ZNF672: variants seen among roughly 807,000 people sequenced by gnomAD.
ZNF672 encodes the protein zinc finger protein 672, also known as hypothetical protein FLJ22301.
For missense variants in ZNF672, 733 were observed against 701.1 expected, an observed-to-expected ratio of 1.05 and a Z score of -0.51; for synonymous variants, 358 against 305.6, an observed-to-expected ratio of 1.17 and a Z score of -1.79.
chr1:248,842,219 C>T (rs1361719202), intron 1 of ZNF672, among the ~76,000 whole-genome samples: 1 of 152,138 alleles, frequency 6.6e-6, no homozygotes. Context: ...CTAATAGATG[C>T]TCCTTCCAGC....
rs1182404758 is a variant in ZNF672, at chr1:248,848,476, G to A, written c.1202G>A (p.Gly401Asp). 2.5e-6 allele frequency: 4 copies of A among 1,605,980 alleles called. No homozygotes were observed. The highest frequency in any genetic ancestry group is 3.4e-6 in the Non-Finnish European group (4 of 1,176,630). Residue 401 changes from glycine (G) to aspartate (D), a missense_variant, in exon 4 of 4, where the codon GGC becomes GAC. Gly to Asp is a moderately conservative substitution (Grantham distance 94). Coordinates refer to ENST00000306562, the MANE Select transcript of ZNF672 (RefSeq NM_024836.3). ...GERPAECAEC[G>D]KCFSHSRSLS... ...CGGCCAGCGGAGTGCGCAGAGTGCGGCAAGTGCTTCAGCCACAGCCGCTCG... is the reference window on the plus strand; with the variant it reads ...CGGCCAGCGGAGTGCGCAGAGTGCGACAAGTGCTTCAGCCACAGCCGCTCG...
In ZNF672 at chr1:248,848,243, C is replaced by G. The variant is rs1197302779; in HGVS notation, c.969C>G (p.Arg323=). The G allele has an allele frequency of 1.3e-5, 21 of 1,602,656 alleles. No homozygotes were observed. Among genetic ancestry groups the G allele is most frequent in the Non-Finnish European group, 1.7e-5 (20 of 1,178,300 alleles). ...CPECGRRFSD[R]SDLTKHRRTH... ...AGTGCGGCCGCCGCTTCAGCGACCGCTCGGACCTCACCAAGCACCGGCGCA... is the reference window on the plus strand; with the variant it reads ...AGTGCGGCCGCCGCTTCAGCGACCGGTCGGACCTCACCAAGCACCGGCGCA... Residue 323 remains arginine, a synonymous_variant, in exon 4 of 4, where the codon CGC becomes CGG. Transcript: ENST00000306562.
At position 248,847,810 on chromosome 1, in the gene ZNF672, G is replaced by T; in HGVS notation, c.536G>T (p.Arg179Leu). Reference sequence around the variant, plus strand: ...GCCTTCCGAAGCGGCGCCGGGCTGCGGAGTCACGCGCGCATCCACGTGTCC... The same window carrying T: ...GCCTTCCGAAGCGGCGCCGGGCTGCTGAGTCACGCGCGCATCCACGTGTCC... The part of the protein sequence containing the change: ...PRAFRSGAGL[R>L]SHARIHVSRS... Residue 179 changes from arginine to leucine, a missense_variant, in exon 4 of 4, where the codon CGG becomes CTG. Physicochemically the swap from Arg to Leu is moderately radical, Grantham distance 102. Coordinates refer to ENST00000306562, the MANE Select transcript of ZNF672 (RefSeq NM_024836.3). 1 of 1,550,584 alleles carries T rather than the reference G, an allele frequency of 6.4e-7. No homozygotes were observed. Among genetic ancestry groups the T allele is most frequent in the Non-Finnish European group, 8.7e-7 (1 of 1,151,884 alleles).
chr1:248,847,395 C>T lies in ZNF672; in HGVS notation c.121C>T (p.Arg41Cys), dbSNP rs1350917758. 11 of 1,601,344 alleles carry T rather than the reference C, an allele frequency of 6.9e-6. No homozygotes were observed. Among genetic ancestry groups the T allele is most frequent in the Non-Finnish European group, 6.8e-6 (8 of 1,173,866 alleles). The change falls in exon 4 of 4, where the codon CGC becomes TGC. Residue 41 changes from arginine to cysteine, a missense_variant. Coordinates refer to ENST00000306562, the MANE Select transcript of ZNF672 (RefSeq NM_024836.3). ...TGAACGAGCTCACGGCGGTGACGGC[C>T]GCTTCCGTTGCCTAGAATGCGGTGA... ...RHERAHGGDGRFRCLECGERC... is the reference protein window; with the variant it reads ...RHERAHGGDGCFRCLECGERC...
In ZNF672 at chr1:248,848,303, G is replaced by T; in HGVS notation, c.1029G>T (p.Leu343=). ...HTGEKPYRCE[L]CGKRFTCVSN... Reference sequence around the variant, plus strand: ...GCGAGAAGCCCTACCGCTGCGAACTGTGCGGCAAGCGGTTCACGTGCGTGT... The same window carrying T: ...GCGAGAAGCCCTACCGCTGCGAACTTTGCGGCAAGCGGTTCACGTGCGTGT... Residue 343 remains leucine (L), a synonymous_variant, in exon 4 of 4, where the codon CTG becomes CTT. Coordinates refer to ENST00000306562, the MANE Select transcript of ZNF672 (RefSeq NM_024836.3). 6.2e-7 allele frequency: 1 copy of T among 1,602,590 alleles called. No individual in the cohort carries two copies.
chr1:248,842,768 C>T (rs1422632851), intron 1 of ZNF672: 1 of 152,172 alleles, frequency 6.6e-6, no homozygotes, highest in Non-Finnish European at 1.5e-5. Flanking sequence ...CAGCATCACT[C>T]AGATCCTGAG....
Position 248,848,467 on chromosome 1 carries a change from C to T in ZNF672, c.1193C>T (p.Ala398Val). Reference sequence around the variant, plus strand: ...CTGGGCGAACGGCCAGCGGAGTGCGCAGAGTGCGGCAAGTGCTTCAGCCAC... The same window carrying T: ...CTGGGCGAACGGCCAGCGGAGTGCGTAGAGTGCGGCAAGTGCTTCAGCCAC... ...THLGERPAECAECGKCFSHSR... is the reference protein window; with the variant it reads ...THLGERPAECVECGKCFSHSR... Residue 398 changes from alanine to valine, a missense_variant, in exon 4 of 4, where the codon GCA becomes GTA. Ala to Val is a moderately conservative substitution (Grantham distance 64, BLOSUM62 0). Transcript: ENST00000306562. 6.2e-7 allele frequency: 1 copy of T among 1,606,586 alleles called. No individual in the cohort carries two copies.
rs376808421 is a variant in ZNF672, at chr1:248,848,455, C to T, written c.1181C>T (p.Pro394Leu). Residue 394 changes from proline to leucine, a missense_variant, in exon 4 of 4, where the codon CCA (proline) becomes CTA (leucine). Coordinates refer to ENST00000306562, the MANE Select transcript of ZNF672 (RefSeq NM_024836.3). ...CGCAAGACGCACCTGGGCGAACGGC[C>T]AGCGGAGTGCGCAGAGTGCGGCAAG... Reference protein sequence around the residue: ...LHRKTHLGERPAECAECGKCF... With the variant: ...LHRKTHLGERLAECAECGKCF... 3.7e-6 allele frequency: 6 copies of T among 1,607,878 alleles called. No individual in the cohort carries two copies. Among genetic ancestry groups the T allele is most frequent in the South Asian group, 1.1e-5 (1 of 90,850 alleles).
rs757217230 is a variant in ZNF672 at position 248,848,399 on chromosome 1, C to T, written c.1125C>T (p.Ala375=). Residue 375 remains alanine (A), a synonymous_variant, in exon 4 of 4, where the codon GCC becomes GCT. Coordinates refer to ENST00000306562, the MANE Select transcript of ZNF672 (RefSeq NM_024836.3). ...ACAAATGCCCCGAGTGCAGCAAGGC[C>T]TTCAGCGTCGCCTCCAAGCTTGCAC... ...KPHKCPECSK[A]FSVASKLALH... is the part of the protein sequence containing the mutation. The T allele has an allele frequency of 9.3e-6, 15 of 1,604,550 alleles. No homozygotes were observed. In the East Asian group the frequency reaches 3.3e-4, roughly 36 times the overall value.
intron 1 of ZNF672, among the ~76,000 whole-genome samples, chr1:248,841,687 T>C (rs942927671): frequency 6.6e-6 from 1 of 152,180 alleles, no homozygotes; most frequent in African/African-American, 2.4e-5. Flanking sequence ...TTTGGGAGGC[T>C]GAAGCAGGAG....
chr1:248,847,176 G>T lies in ZNF672; in HGVS notation c.-99G>T. 1 of 1,457,154 alleles carries T rather than the reference G, an allele frequency of 6.9e-7. No individual in the cohort carries two copies. The allele number at this position is 1,457,154 out of a possible 1,614,324, so 90.3% of individuals were successfully genotyped here. Reference sequence around the variant, plus strand: ...CTCCCCCTTTCCTCTCTGTTACAGTGCCCTTTCCAGGCCTTAAGAGAAGTA... The same window carrying T: ...CTCCCCCTTTCCTCTCTGTTACAGTTCCCTTTCCAGGCCTTAAGAGAAGTA... On this transcript the variant is annotated 5_prime_UTR_variant, in exon 4 of 4. Coordinates refer to ENST00000306562, the MANE Select transcript of ZNF672 (RefSeq NM_024836.3).
At chr1:248,842,826 G>A (rs771996810) in intron 1 of ZNF672, 4 of 152,284 alleles carry the variant, frequency 2.6e-5, no homozygotes, top group Admixed American at 6.5e-5. Context: ...CTCTCCTGAT[G>A]CAGCTACAAC....
rs1405192738 is a variant in ZNF672, at chr1:248,849,027, C to G, written c.*394C>G. On this transcript the variant is annotated 3_prime_UTR_variant, in exon 4 of 4. Coordinates refer to ENST00000306562, the MANE Select transcript of ZNF672 (RefSeq NM_024836.3). ...TATCTCATTCCAGCCCACATCTTCT[C>G]CTTTCCTGATTACTTTTGTTGTCCT... 7.9e-6 allele frequency: 4 copies of G among 507,092 alleles called. No individual in the cohort carries two copies. Among genetic ancestry groups the G allele is most frequent in the Non-Finnish European group, 1.6e-5 (4 of 251,110 alleles). The allele number at this position is 507,092 out of a possible 1,614,324, so 31.4% of individuals were successfully genotyped here. A position where few individuals can be genotyped will look rare whatever the true frequency, so the allele number is the denominator to read the frequency against.
In ZNF672 at chr1:248,849,212, G is replaced by A. The variant is rs1367634862; in HGVS notation, c.*579G>A. On this transcript the variant is annotated 3_prime_UTR_variant, in exon 4 of 4. Coordinates refer to ENST00000306562, the MANE Select transcript of ZNF672 (RefSeq NM_024836.3). ...GAAGGATGTCTCCATGCTAGGAGCT[G>A]CCTGCACCCTGGCAGAGGTGGCCAG... The A allele has an allele frequency of 7.6e-5, 31 of 409,480 alleles. No homozygotes were observed. The highest frequency in any genetic ancestry group is 4.2e-4 in the Middle Eastern group (1 of 2,372). The allele number at this position is 409,480 out of a possible 1,614,324, so 25.4% of individuals were successfully genotyped here. A position where few individuals can be genotyped will look rare whatever the true frequency, so the allele number is the denominator to read the frequency against.
rs771611703 is a variant in ZNF672, at chr1:248,848,134, C to G, written c.860C>G (p.Thr287Ser). The G allele has an allele frequency of 4.4e-6, 7 of 1,573,096 alleles. No homozygotes were observed. The South Asian group carries it at 8.0e-5, about 18-fold the overall frequency. Residue 287 changes from threonine (T) to serine (S), a missense_variant, in exon 4 of 4, where the codon ACT becomes AGT. Thr to Ser is a moderately conservative substitution (Grantham distance 58, BLOSUM62 1). Transcript: ENST00000306562. ...GGCGAGCGGCCACATGCGTGCGCCA[C>G]TTGCGGCAAGGGTTTCGGGCAGCGC... ...HQGERPHACA[T>S]CGKGFGQRSD...
In ZNF672 at chr1:248,848,665, G is replaced by A; in HGVS notation, c.*32G>A. 1 of 1,536,706 alleles carries A rather than the reference G, an allele frequency of 6.5e-7. No individual in the cohort carries two copies. Among genetic ancestry groups the A allele is most frequent in the Non-Finnish European group, 8.7e-7 (1 of 1,143,252 alleles). Reference sequence around the variant, plus strand: ...GAGGCTTGCTGAGGCTTCTCTAAAGGTGGTTGGGCAAGCACCTATATAGTA... The same window carrying A: ...GAGGCTTGCTGAGGCTTCTCTAAAGATGGTTGGGCAAGCACCTATATAGTA... On this transcript the variant is annotated 3_prime_UTR_variant, in exon 4 of 4. Coordinates refer to ENST00000306562, the MANE Select transcript of ZNF672 (RefSeq NM_024836.3).
rs753362610 is a variant in ZNF672 at position 248,847,597 on chromosome 1, T to C, written c.323T>C (p.Phe108Ser). ...TCPCRTCGRR[F>S]PHLPALLLHR... is the part of the protein sequence containing the mutation. ...CCCTGCCGCACATGCGGCCGGCGCT[T>C]CCCGCACCTCCCGGCGCTGCTGCTA... is the stretch of plus-strand genomic sequence containing the variant. Residue 108 changes from phenylalanine to serine, a missense_variant, in exon 4 of 4, where the codon TTC becomes TCC. Phe to Ser is a radical substitution (Grantham distance 155). Coordinates refer to ENST00000306562, the MANE Select transcript of ZNF672 (RefSeq NM_024836.3). The C allele has an allele frequency of 1.6e-5, 24 of 1,542,734 alleles. No individual in the cohort carries two copies. Among genetic ancestry groups the C allele is most frequent in the Non-Finnish European group, 2.0e-5 (23 of 1,149,264 alleles).
chr1:248,845,068 G>T (rs1664735360), intron 2 of ZNF672, among the ~76,000 whole-genome samples: 1 of 152,186 alleles, frequency 6.6e-6, no homozygotes, highest in African/African-American at 2.4e-5. Context: ...TTCAAAACCA[G>T]CCTGGCCAAG....
intron 2 of ZNF672, among the ~76,000 whole-genome samples, chr1:248,845,241 G>A (rs571815809): frequency 3.9e-5 from 6 of 152,268 alleles, no homozygotes; most frequent in South Asian, 4.1e-4. Context: ...TAGCCTGGGC[G>A]ACAGGGCGAG....
Sources: allele counts gnomAD v4.1 joint callset (sites outside exome capture counted in the v4.1 genomes callset), GRCh38; gene constraint gnomAD v4.1.1; transcripts MANE v1.5; gene names NCBI Gene and HGNC (gene_info 2026-07-23, HGNC 2026-07-21).